The following DCAF5 variants were observed in gnomAD, a reference collection of about 807,000 sequenced individuals.
DCAF5 encodes DDB1 and CUL4 associated factor 5.
DCAF5 carries 9 observed loss-of-function variants against 80.7 expected under a neutral mutation model. That is an observed-to-expected ratio of 0.11 (90% CI 0.07 to 0.19). DCAF5 has a LOEUF of 0.19. Ranked by LOEUF, DCAF5 falls within the 10% of genes least tolerant of loss-of-function variation. The probability of loss-of-function intolerance (pLI) is 1.00; values close to 1 mark genes in which losing one functional copy is unlikely to be tolerated. For missense variants in DCAF5, 842 were observed against 1,205.7 expected, an observed-to-expected ratio of 0.70 and a Z score of 4.47; for synonymous variants, 433 against 461.9, an observed-to-expected ratio of 0.94 and a Z score of 0.80.
At chr14:69,065,386 C>A (rs1018411195) in intron 7 of DCAF5, among the ~76,000 whole-genome samples, 14 of 152,334 alleles carry the variant, frequency 9.2e-5, no homozygotes, top group African/African-American at 3.4e-4. Flanking sequence ...TGAGCCACCA[C>A]ACCCAGCCCT....
At chr14:69,063,985 A>T (rs2139855172) in intron 7 of DCAF5, among the ~76,000 whole-genome samples, 1 of 152,282 alleles carries the variant, frequency 6.6e-6, no homozygotes, top group South Asian at 2.1e-4. Context: ...AATAAACCAT[A>T]AAAAAAGAGA....
rs755255658 is a variant in DCAF5 at position 69,107,317 on chromosome 14, T to G, written c.665+9049A>C. ...CCAAAGACCCTGGGTCTGAGTGAAC[T>G]TGAGCAAATTCAACATGGACCTCTC... On this transcript the variant is annotated intron_variant, in intron 5 of 8. Transcript: ENST00000341516. 3.9e-4 allele frequency among the ~76,000 whole-genome samples: 60 copies of G among 152,158 alleles called. 1 individual carries two copies. The highest frequency in any genetic ancestry group is 6.5e-4 in the Non-Finnish European group (44 of 68,026).
At chr14:69,144,451 AGTC>A (rs761132724) in intron 1 of DCAF5, among the ~76,000 whole-genome samples, 35 of 152,040 alleles carry the variant, frequency 2.3e-4, no homozygotes, top group Non-Finnish European at 2.4e-4. Context: ...GGGTGCCTGT[AGTC>A]CCAACTACTC....
intron 5 of DCAF5, among the ~76,000 whole-genome samples, chr14:69,112,555 G>GA (rs1251190688): frequency 7.2e-6 from 1 of 139,494 alleles, no homozygotes; most frequent in African/African-American, 2.8e-5. Context: ...CTAAAAAAAA[G>GA]AAAAAAACAG....
Position 69,095,060 on chromosome 14 carries a change from G to A in DCAF5, c.666-3173C>T, listed in dbSNP as rs961062659. 3.3e-5 allele frequency among the ~76,000 whole-genome samples: 5 copies of A among 152,096 alleles called. No individual in the cohort carries two copies. The East Asian group carries it at 7.7e-4, about 23-fold the overall frequency. On this transcript the variant is annotated intron_variant, in intron 5 of 8. Transcript: ENST00000341516. ...ACTTTTTATGGTCTCATGTCTGTTC[G>A]CAGAAGGATCTCCAATTCCTCTTCA...
chr14:69,073,874 C>T (rs905058543), intron 7 of DCAF5, among the ~76,000 whole-genome samples: 2 of 152,142 alleles, frequency 1.3e-5, no homozygotes, highest in East Asian at 1.9e-4. Context: ...TACTTCTCAA[C>T]GAATCAAGCT....
chr14:69,136,239 C>T (rs2041193050), intron 1 of DCAF5, among the ~76,000 whole-genome samples: 1 of 151,580 alleles, frequency 6.6e-6, no homozygotes, highest in South Asian at 2.1e-4. Flanking sequence ...CCTCAGCCTC[C>T]AGAGTAGTTG....
chr14:69,133,423 TAC>T (rs2041097780), intron 1 of DCAF5, among the ~76,000 whole-genome samples: 1 of 152,160 alleles, frequency 6.6e-6, no homozygotes, highest in African/African-American at 2.4e-5. Context: ...CATAGAGAAA[TAC>T]AGACTCAAGA....
intron 1 of DCAF5, among the ~76,000 whole-genome samples, chr14:69,140,519 C>T (rs1294404941): frequency 6.6e-6 from 1 of 152,066 alleles, no homozygotes; most frequent in East Asian, 1.9e-4. Flanking sequence ...ATATCACATC[C>T]ACTTTTAGTT....
chr14:69,142,121 C>T lies in DCAF5; in HGVS notation c.214+10644G>A, dbSNP rs554213634. 5.9e-5 allele frequency among the ~76,000 whole-genome samples: 9 copies of T among 152,188 alleles called. No individual in the cohort carries two copies. In the South Asian group the frequency reaches 8.3e-4, roughly 14 times the overall value. On this transcript the variant is annotated intron_variant, in intron 1 of 8. Coordinates refer to ENST00000341516, the MANE Select transcript of DCAF5 (RefSeq NM_003861.3). ...ACCAGCCTGGGCAAAATAGTGAGAT[C>T]CTGTCTCTACAAAAAAAAATTTTTT...
chr14:69,119,126 A>G, intron 3 of DCAF5, 68 bp downstream of exon 3: 1 of 1,516,432 alleles, frequency 6.6e-7, no homozygotes, highest in Non-Finnish European at 9.0e-7. Context: ...TTTAGTCTAA[A>G]GAGATATTTG....
At position 69,153,113 on chromosome 14, in the gene DCAF5, G is replaced by A. The variant is rs1237562899; in HGVS notation, c.-135C>T. On this transcript the variant is annotated 5_prime_UTR_variant, in exon 1 of 9. Transcript: ENST00000341516. ...TTTAACCAGCCATGGCAGGCAGAGCGAGGTGTGCAGACACTCGGCGGCGTT... is the reference window on the plus strand; with the variant it reads ...TTTAACCAGCCATGGCAGGCAGAGCAAGGTGTGCAGACACTCGGCGGCGTT... 5 of 649,376 alleles carry A rather than the reference G, an allele frequency of 7.7e-6. No individual in the cohort carries two copies. Among genetic ancestry groups the A allele is most frequent in the Non-Finnish European group, 1.2e-5 (5 of 424,546 alleles). 40.2% of individuals were successfully genotyped at this position (649,376 alleles called of 1,614,324 possible).
intron 1 of DCAF5, among the ~76,000 whole-genome samples, chr14:69,142,601 A>G (rs971806377): frequency 1.3e-5 from 2 of 152,224 alleles, no homozygotes; most frequent in African/African-American, 4.8e-5. Flanking sequence ...TCCCTTTATG[A>G]TACTGTGTGT....
At chr14:69,134,287 A>C (rs2041127005) in intron 1 of DCAF5, among the ~76,000 whole-genome samples, 1 of 152,222 alleles carries the variant, frequency 6.6e-6, no homozygotes, top group Non-Finnish European at 1.5e-5. Context: ...ATAATTACGT[A>C]TTTTAAGGTG....
intron 2 of DCAF5, among the ~76,000 whole-genome samples, chr14:69,119,688 C>G (rs1003052135): frequency 3.1e-5 from 4 of 129,562 alleles, no homozygotes; most frequent in Non-Finnish European, 4.8e-5. Context: ...GCCTGGGCAA[C>G]AGAGAGAGAC....
intron 1 of DCAF5, among the ~76,000 whole-genome samples, chr14:69,137,361 T>C (rs555335529): frequency 6.6e-6 from 1 of 152,324 alleles, no homozygotes; most frequent in Admixed American, 6.5e-5. Context: ...TCTTCTGCCA[T>C]AGAGAACTAA....
intron 8 of DCAF5, among the ~76,000 whole-genome samples, chr14:69,057,403 G>C (rs1320995371): frequency 6.6e-6 from 1 of 151,724 alleles, no homozygotes; most frequent in Admixed American, 6.6e-5. Context: ...CACCTCTCCA[G>C]TTTAAAAGTG....
At chr14:69,129,934 T>C (rs1280013871) in intron 1 of DCAF5, among the ~76,000 whole-genome samples, 2 of 152,208 alleles carry the variant, frequency 1.3e-5, no homozygotes, top group African/African-American at 2.4e-5. Flanking sequence ...TTTGGTTTTT[T>C]GGGTTGGTTT....
At chr14:69,103,195 T>C (rs1301033648) in intron 5 of DCAF5, among the ~76,000 whole-genome samples, 1 of 152,230 alleles carries the variant, frequency 6.6e-6, no homozygotes, top group African/African-American at 2.4e-5. Context: ...AGCATACTAT[T>C]TGTGTGAAAA....
Sources: gnomAD v4.1 joint callset for allele counts (sites outside exome capture counted in the v4.1 genomes callset) on GRCh38, gnomAD v4.1.1 for gene constraint, MANE v1.5 for transcripts, NCBI Gene and HGNC (gene_info 2026-07-23, HGNC 2026-07-21) for gene names.